The following NRF1 variants were observed in gnomAD, a reference collection of about 807,000 sequenced individuals.
The protein encoded by NRF1 is alpha palindromic-binding protein.
NRF1 carries 5 observed loss-of-function variants against 58.5 expected under a neutral mutation model. The ratio of observed to expected loss-of-function variants is 0.09; its 90% CI spans 0.04 to 0.18. The LOEUF (loss-of-function observed/expected upper bound fraction) is 0.18. Among genes scored for constraint, NRF1 ranks in the 10% least tolerant of loss-of-function variants. NRF1 has a pLI of 1.00. For synonymous variants in NRF1, 224 were observed against 246.7 expected, an observed-to-expected ratio of 0.91 and a Z score of 0.86; for missense variants, 288 against 657.7, an observed-to-expected ratio of 0.44 and a Z score of 6.15.
chr7:129,734,144 T>C (rs1803651282), intron 10 of NRF1, among the ~76,000 whole-genome samples: 1 of 152,226 alleles, frequency 6.6e-6, no homozygotes, highest in Non-Finnish European at 1.5e-5. Context: ...TGTTGTATCA[T>C]TATTTTATTC....
rs147966712 is a variant in NRF1, at chr7:129,699,039, C to T, written c.606+8493C>T. Among the ~76,000 whole-genome samples the T allele has an allele frequency of 7.7e-3, 1,173 of 152,298 alleles. 10 individuals are homozygous for T. The highest frequency in any genetic ancestry group is 0.012 in the Non-Finnish European group (829 of 68,020). On this transcript the variant is annotated intron_variant, in intron 5 of 10. Transcript: ENST00000393232. ...TATTGATTAAAATCCACTCTTCTTT[C>T]CCTTCTCCCTTCCCTCACCTTCCTT...
In NRF1 at chr7:129,671,575, T is replaced by C. The variant is rs943996097; in HGVS notation, c.338+32T>C. On this transcript the variant is annotated intron_variant, in intron 3 of 10. Transcript: ENST00000393232. The stretch of plus-strand genomic sequence containing the variant: ...GCTCCCTTATCCATATTGTTACTAT[T>C]CCTCAAATACTTCCTGTGGATGACA... The C allele has an allele frequency of 4.4e-6, 5 of 1,144,902 alleles. No individual in the cohort carries two copies. The African/African-American group carries it at 7.6e-5, about 17-fold the overall frequency. The allele number at this position is 1,144,902 out of a possible 1,614,324, so 70.9% of individuals were successfully genotyped here.
At chr7:129,665,587 T>G (rs906414489) in intron 2 of NRF1, among the ~76,000 whole-genome samples, 4 of 152,162 alleles carry the variant, frequency 2.6e-5, no homozygotes, top group Non-Finnish European at 4.4e-5. Flanking sequence ...TTGACCTCTT[T>G]TAGTATCAAT....
At chr7:129,640,168 T>C (rs1801257676) in intron 1 of NRF1, among the ~76,000 whole-genome samples, 1 of 152,138 alleles carries the variant, frequency 6.6e-6, no homozygotes, top group Non-Finnish European at 1.5e-5. Context: ...GGGACCAGGA[T>C]GGGTGGCTGC....
intron 5 of NRF1, among the ~76,000 whole-genome samples, chr7:129,699,628 C>T (rs1272207044): frequency 2.0e-5 from 3 of 151,140 alleles, no homozygotes; most frequent in Non-Finnish European, 4.4e-5. Flanking sequence ...CTACTGGGGA[C>T]GCTGAGGCAG....
chr7:129,690,370 G>A (rs774136000), intron 4 of NRF1, 36 bp from the exon 5 acceptor site: 10 of 1,596,720 alleles, frequency 6.3e-6, no homozygotes, highest in Admixed American at 1.7e-5. Flanking sequence ...CTGGTTGTTG[G>A]GCATCTTGTT....
At chr7:129,689,334 C>G (rs1343436453) in intron 4 of NRF1, among the ~76,000 whole-genome samples, 1 of 152,116 alleles carries the variant, frequency 6.6e-6, no homozygotes, top group Non-Finnish European at 1.5e-5. Context: ...AGCAGACAAC[C>G]CAGGATTCAA....
chr7:129,738,835 A>G (rs947729005), intron 10 of NRF1, among the ~76,000 whole-genome samples: 1 of 152,234 alleles, frequency 6.6e-6, no homozygotes, highest in African/African-American at 2.4e-5. Flanking sequence ...AAGACTGGAA[A>G]TCATACCAGA....
chr7:129,638,991 T>A (rs1302696521), intron 1 of NRF1, among the ~76,000 whole-genome samples: 8 of 152,218 alleles, frequency 5.3e-5, no homozygotes. Context: ...TAATTTTGAT[T>A]ATATGGCATC....
At chr7:129,742,363 C>T (rs1328766291) in intron 10 of NRF1, among the ~76,000 whole-genome samples, 1 of 151,138 alleles carries the variant, frequency 6.6e-6, no homozygotes, top group Non-Finnish European at 1.5e-5. Flanking sequence ...AATATGGAAA[C>T]CGAGACACTG....
chr7:129,673,661 G>A (rs1802104763), intron 3 of NRF1, among the ~76,000 whole-genome samples: 1 of 143,856 alleles, frequency 7.0e-6, no homozygotes, highest in African/African-American at 2.6e-5. Flanking sequence ...AGCTTGCAGT[G>A]AGCGGAGATC....
At chr7:129,698,253 GT>G (rs1802744521) in intron 5 of NRF1, among the ~76,000 whole-genome samples, 4 of 143,130 alleles carry the variant, frequency 2.8e-5, no homozygotes, top group Non-Finnish European at 6.0e-5. Flanking sequence ...GAAAGTTTCT[GT>G]TTTTATTATT....
At chr7:129,746,227 A>G (rs1803971898) in intron 10 of NRF1, among the ~76,000 whole-genome samples, 2 of 152,278 alleles carry the variant, frequency 1.3e-5, no homozygotes, top group Non-Finnish European at 1.5e-5. Context: ...CTAATAGAAC[A>G]GAAACAGAAC....
chr7:129,651,751 T>A (rs1258907207), intron 1 of NRF1, among the ~76,000 whole-genome samples: 1 of 152,232 alleles, frequency 6.6e-6, no homozygotes, highest in East Asian at 1.9e-4. Context: ...CTTTCTCTCA[T>A]ATATTATATT....
chr7:129,616,244 C>T (rs752285205), intron 1 of NRF1, among the ~76,000 whole-genome samples: 1 of 151,938 alleles, frequency 6.6e-6, no homozygotes, highest in Non-Finnish European at 1.5e-5. Context: ...TTCTATGACC[C>T]AAAGAAGGGC....
chr7:129,704,786 A>G (rs1584657696), intron 5 of NRF1, among the ~76,000 whole-genome samples: 1 of 152,188 alleles, frequency 6.6e-6, no homozygotes, highest in African/African-American at 2.4e-5. Flanking sequence ...CATGGGTGGA[A>G]TTTTCCACAT....
intron 10 of NRF1, among the ~76,000 whole-genome samples, chr7:129,735,579 G>C (rs1803688463): frequency 6.6e-6 from 1 of 152,074 alleles, no homozygotes; most frequent in African/African-American, 2.4e-5. Context: ...TGATGACAAG[G>C]CATTGTCATT....
chr7:129,618,858 A>G (rs1800709224), intron 1 of NRF1, among the ~76,000 whole-genome samples: 1 of 152,182 alleles, frequency 6.6e-6, no homozygotes, highest in Admixed American at 6.5e-5. Flanking sequence ...TTTGTGTTTC[A>G]TATACATCTT....
intron 10 of NRF1, among the ~76,000 whole-genome samples, chr7:129,746,172 G>A (rs1202038871): frequency 6.6e-6 from 1 of 152,304 alleles, no homozygotes; most frequent in East Asian, 1.9e-4. Context: ...CAAAAGCTTG[G>A]ACTTAGGAAA....
Sources: gnomAD v4.1 joint callset for allele counts (sites outside exome capture counted in the v4.1 genomes callset) on GRCh38, gnomAD v4.1.1 for gene constraint, MANE v1.5 for transcripts, NCBI Gene and HGNC (gene_info 2026-07-23, HGNC 2026-07-21) for gene names.